CRYBG3: variants seen among roughly 807,000 people sequenced by gnomAD.
CRYBG3 encodes crystallin beta-gamma domain containing 3.
In CRYBG3, 127 loss-of-function variants were observed where a neutral mutation model predicts 244.2. That is an observed-to-expected ratio of 0.52 (90% CI 0.45 to 0.60). CRYBG3 has a LOEUF of 0.60. Among genes scored for constraint, CRYBG3 ranks in the 20% least tolerant of loss-of-function variants. The pLI is 0.00. For synonymous variants in CRYBG3, 1,132 were observed against 1,195.8 expected, an observed-to-expected ratio of 0.95 and a Z score of 1.10; for missense variants, 3,325 against 3,442.5, an observed-to-expected ratio of 0.97 and a Z score of 0.85.
chr3:97,885,905 G>A (rs1353277404), intron 7 of CRYBG3, among the ~76,000 whole-genome samples: 1 of 152,188 alleles, frequency 6.6e-6, no homozygotes, highest in African/African-American at 2.4e-5. Flanking sequence ...GTGGTTGTAA[G>A]TAGGCCTGTA....
In CRYBG3 at chr3:97,874,679, C is replaced by G. The variant is rs979517310; in HGVS notation, c.3485C>G (p.Ala1162Gly). The change falls in exon 4 of 22, where the codon GCG (alanine) becomes GGG (glycine). Residue 1162 changes from alanine (A) to glycine (G), a missense_variant. Ala to Gly is a moderately conservative substitution (Grantham distance 60, BLOSUM62 0). Coordinates refer to ENST00000389622, the MANE Select transcript of CRYBG3 (RefSeq NM_153605.4). ...ACTGGAGCAGTTGCTGGGCCTGCAG[C>G]GTCAGTTAACAGCTCAGGCCAACAG... The part of the protein sequence containing the change: ...AETGAVAGPA[A>G]SVNSSGQQCS... 3.9e-6 allele frequency: 6 copies of G among 1,535,636 alleles called. No homozygotes were observed. The highest frequency in any genetic ancestry group is 5.2e-6 in the Non-Finnish European group (6 of 1,146,732).
chr3:97,937,669 C>T (rs1331633774), intron 19 of CRYBG3, among the ~76,000 whole-genome samples: 1 of 152,020 alleles, frequency 6.6e-6, no homozygotes, highest in Non-Finnish European at 1.5e-5. Context: ...ATCGGGGTCT[C>T]TCCCACTCTA....
rs547845323 is a variant in CRYBG3 at position 97,850,068 on chromosome 3, G to A, written c.216+6807G>A. Among the ~76,000 whole-genome samples the A allele has an allele frequency of 6.5e-4, 99 of 152,200 alleles. 1 individual carries two copies. In the South Asian group the frequency reaches 0.019, roughly 29 times the overall value. Reference sequence around the variant, plus strand: ...GACCTCTCCTCTCAGATGTCTCTGAGTATAAAGTTTGACATACTCAAAGTT... The same window carrying A: ...GACCTCTCCTCTCAGATGTCTCTGAATATAAAGTTTGACATACTCAAAGTT... On this transcript the variant is annotated intron_variant, in intron 2 of 21. Coordinates refer to ENST00000389622, the MANE Select transcript of CRYBG3 (RefSeq NM_153605.4).
At chr3:97,936,664 A>G in intron 18 of CRYBG3, 121 bp from the exon 19 acceptor site, 1 of 993,840 alleles carries the variant, frequency 1.0e-6, no homozygotes, top group Non-Finnish European at 1.4e-6. Flanking sequence ...AAAAATGTGC[A>G]ATTTTAAAAG....
At chr3:97,867,517 G>A (rs745494715) in intron 3 of CRYBG3, among the ~76,000 whole-genome samples, 13 of 152,146 alleles carry the variant, frequency 8.5e-5, no homozygotes, top group South Asian at 8.3e-4. Flanking sequence ...GAGCGTATCC[G>A]TATGTGTTAC....
Position 97,874,728 on chromosome 3 carries a change from C to T in CRYBG3, c.3534C>T (p.His1178=), listed in dbSNP as rs1424605275. 1 of 1,535,750 alleles carries T rather than the reference C, an allele frequency of 6.5e-7. No homozygotes were observed. Reference sequence around the variant, plus strand: ...AGTGTTCTGAAGCCTCTGCTGAGCACATAGAAGCCAGGAGAAGAGCACATG... The same window carrying T: ...AGTGTTCTGAAGCCTCTGCTGAGCATATAGAAGCCAGGAGAAGAGCACATG... ...GQQCSEASAE[H]IEARRRAHDQ... The change falls in exon 4 of 22, where the codon CAC becomes CAT. Residue 1178 remains histidine, a synonymous_variant. Transcript: ENST00000389622.
chr3:97,909,433 G>C (rs2039834419), intron 15 of CRYBG3, among the ~76,000 whole-genome samples: 1 of 149,864 alleles, frequency 6.7e-6, no homozygotes, highest in African/African-American at 2.5e-5. Context: ...ATTTCTTGGA[G>C]GCTTTGCTCA....
chr3:97,883,584 T>C (rs1485408442), intron 7 of CRYBG3, among the ~76,000 whole-genome samples: 2 of 152,230 alleles, frequency 1.3e-5, no homozygotes, highest in East Asian at 3.8e-4. Context: ...TAGAATATAT[T>C]ATAAGAAAGA....
intron 7 of CRYBG3, among the ~76,000 whole-genome samples, chr3:97,883,285 C>T (rs1453382093): frequency 1.3e-5 from 2 of 152,166 alleles, no homozygotes; most frequent in African/African-American, 4.8e-5. Context: ...CAGTTCAGTT[C>T]TGCAGATAAC....
intron 17 of CRYBG3, among the ~76,000 whole-genome samples, chr3:97,917,754 G>A (rs1447257033): frequency 6.6e-6 from 1 of 152,096 alleles, no homozygotes; most frequent in East Asian, 1.9e-4. Context: ...GTCATCAGGA[G>A]GTTATTTGTT....
At position 97,877,296 on chromosome 3, in the gene CRYBG3, G is replaced by T; in HGVS notation, c.6102G>T (p.Met2034Ile). The T allele has an allele frequency of 6.2e-7, 1 of 1,614,090 alleles. No individual in the cohort carries two copies. Among genetic ancestry groups the T allele is most frequent in the Non-Finnish European group, 8.5e-7 (1 of 1,180,008 alleles). ...TTCATGATACGTCCGCTGACAGCAT[G>T]CCTGTTCTGGCATGTGAAAGGTCTG... is the stretch of plus-strand genomic sequence containing the variant. ...VLFHDTSADS[M>I]PVLACERSES... Residue 2034 changes from methionine (M) to isoleucine (I), a missense_variant, in exon 4 of 22, where the codon ATG becomes ATT. Physicochemically the swap from Met to Ile is conservative, Grantham distance 10 (BLOSUM62 1). Around this residue, in one of 4 missense-constraint regions of CRYBG3, gnomAD observed 450 missense variants for 424.1 expected, o/e 1.06. Transcript: ENST00000389622.
chr3:97,866,059 G>C (rs530983202), intron 3 of CRYBG3, among the ~76,000 whole-genome samples: 4 of 152,224 alleles, frequency 2.6e-5, no homozygotes, highest in South Asian at 2.1e-4. Flanking sequence ...AATAAAAGAA[G>C]TCTAATCTGT....
intron 7 of CRYBG3, among the ~76,000 whole-genome samples, chr3:97,881,751 A>G (rs1314320793): frequency 6.6e-6 from 1 of 151,986 alleles, no homozygotes; most frequent in Non-Finnish European, 1.5e-5. Context: ...AAAATGTTAC[A>G]TGATGTACTA....
chr3:97,855,871 C>T (rs145190337), intron 2 of CRYBG3, among the ~76,000 whole-genome samples: 4,674 of 152,106 alleles, frequency 0.031, 229 homozygotes, highest in African/African-American at 0.11. Flanking sequence ...GGAGGCAGAG[C>T]GAGATCACAG....
At chr3:97,893,217 C>T (rs1011178862) in intron 11 of CRYBG3, among the ~76,000 whole-genome samples, 1 of 152,142 alleles carries the variant, frequency 6.6e-6, no homozygotes, top group Non-Finnish European at 1.5e-5. Flanking sequence ...TCTGAAACTG[C>T]AGCACCTTGT....
In CRYBG3 at chr3:97,873,747, T is replaced by C; in HGVS notation, c.2553T>C (p.Ile851=). The change falls in exon 4 of 22, where the codon ATT becomes ATC. Residue 851 remains isoleucine, a synonymous_variant. Transcript: ENST00000389622. ...VSLSKVEPRN[I]SQDKMSSFPL... ...TTTCAAAAGTGGAGCCCAGAAACAT[T>C]TCTCAGGATAAAATGTCTTCTTTTC... 6.5e-7 allele frequency: 1 copy of C among 1,535,686 alleles called. No individual in the cohort carries two copies. The highest frequency in any genetic ancestry group is 8.7e-7 in the Non-Finnish European group (1 of 1,146,772).
At chr3:97,831,849 C>G (rs1462578744) in intron 1 of CRYBG3, among the ~76,000 whole-genome samples, 1 of 152,024 alleles carries the variant, frequency 6.6e-6, no homozygotes, top group Non-Finnish European at 1.5e-5. Context: ...CTCATCTGTC[C>G]TGAATGCTGT....
intron 2 of CRYBG3, among the ~76,000 whole-genome samples, chr3:97,852,563 G>A (rs894970316): frequency 4.6e-5 from 7 of 152,260 alleles, no homozygotes; most frequent in African/African-American, 1.7e-4. Flanking sequence ...CAGAGGAGAA[G>A]GCTGTCTCTG....
At chr3:97,933,367 T>C in intron 17 of CRYBG3, 2 of 376,502 alleles carry the variant, frequency 5.3e-6, no homozygotes, top group South Asian at 4.3e-5. Context: ...GCTAAAAGCA[T>C]TGGCAGGACT....
Sources: gnomAD v4.1 joint callset for allele counts (sites outside exome capture counted in the v4.1 genomes callset) on GRCh38, gnomAD v4.1.1 for gene constraint, gnomAD v4.1.1 regional missense constraint, MANE v1.5 for transcripts, NCBI Gene and HGNC (gene_info 2026-07-23, HGNC 2026-07-21) for gene names.